Variants in CFAP92 observed in about 807,000 individuals in gnomAD.
CFAP92 encodes uncharacterized protein CFAP92.
In CFAP92, 86 loss-of-function variants were observed where a neutral mutation model predicts 106.3. The observed-to-expected ratio is 0.81, with a 90% confidence interval of 0.68 to 0.97. CFAP92 has a LOEUF of 0.97. CFAP92 is among the 50% of genes least tolerant of loss of function. The probability of loss-of-function intolerance (pLI) is 0.00; values close to 1 mark genes in which losing one functional copy is unlikely to be tolerated. For missense variants in CFAP92, 1,204 were observed against 1,283.8 expected (o/e 0.94, Z 0.95); for synonymous variants, 477 against 506.4 (o/e 0.94, Z 0.78).
In CFAP92 at chr3:128,993,164, G is replaced by A. The variant is rs1168729801; in HGVS notation, c.141C>T (p.Asp47=). 2 of 1,613,972 alleles carry A rather than the reference G, an allele frequency of 1.2e-6. No individual in the cohort carries two copies. The highest frequency in any genetic ancestry group is 2.7e-5 in the African/African-American group (2 of 74,954). ...CGATGCTGCTGCACGGGCGGTCAGA[G>A]TCAGACTCCTGGGCCCTGGCCTTGG... The part of the protein sequence containing the change: ...LKAKARAQES[D]SDRPCSSIES... Residue 47 remains aspartate (D), a synonymous_variant, in exon 2 of 16, where the codon GAC becomes GAT. Transcript: ENST00000645291.
At chr3:129,019,209 G>A in the CFAP92 span, among the ~76,000 whole-genome samples, 19 of 152,350 alleles carry the variant, frequency 1.2e-4, no homozygotes, top group South Asian at 1.4e-3. Flanking sequence ...GTGGTCCTCC[G>A]TTCCTAGGTC....
chr3:128,912,325 G>A (rs1216126331), intron 15 of CFAP92, among the ~76,000 whole-genome samples: 1 of 152,154 alleles, frequency 6.6e-6, no homozygotes, highest in East Asian at 1.9e-4. Context: ...TGAGAATGAA[G>A]CTGTACCCCT....
At chr3:129,022,016 G>A in the CFAP92 span, among the ~76,000 whole-genome samples, 2 of 152,212 alleles carry the variant, frequency 1.3e-5, no homozygotes, top group African/African-American at 4.8e-5. Context: ...GGGCAGAGGT[G>A]GCCGGGGCAG....
rs13059115 is a variant in CFAP92, at chr3:128,945,706, G to C, written c.1623C>G (p.Ala541=). ...TCTCTGTCTCTCTGGGAGAGATGAGGGCCTGGAAGTTGAGGTATGAATCCA... is the reference window on the plus strand; with the variant it reads ...TCTCTGTCTCTCTGGGAGAGATGAGCGCCTGGAAGTTGAGGTATGAATCCA... The part of the protein sequence containing the change: ...DPLDSYLNFQ[A]LISPRETENN... Residue 541 remains alanine (A), a synonymous_variant, in exon 10 of 16, where the codon GCC becomes GCG. Transcript: ENST00000645291. 2 of 1,535,942 alleles carry C rather than the reference G, an allele frequency of 1.3e-6. No individual in the cohort carries two copies. Among genetic ancestry groups the C allele is most frequent in the Non-Finnish European group, 1.7e-6 (2 of 1,146,890 alleles).
intron 9 of CFAP92, among the ~76,000 whole-genome samples, chr3:128,961,288 C>G (rs538525661): frequency 6.6e-6 from 1 of 152,198 alleles, no homozygotes; most frequent in Non-Finnish European, 1.5e-5. Context: ...CAGGGCAACT[C>G]CTCCCAAATC....
rs1482767257 is a variant in CFAP92, at chr3:128,916,206, T to C, written c.2817A>G (p.Lys939=). Residue 939 remains lysine, a synonymous_variant, in exon 13 of 16, where the codon AAA becomes AAG. Coordinates refer to ENST00000645291, the MANE Select transcript of CFAP92 (RefSeq NM_001394090.1). Reference sequence around the variant, plus strand: ...CGGCCTTGTTGGCAGGGGCTGAAATTTTAATCACCTTCGCCACGGACTTCG... The same window carrying C: ...CGGCCTTGTTGGCAGGGGCTGAAATCTTAATCACCTTCGCCACGGACTTCG... The part of the protein sequence containing the change: ...KPPKSVAKVI[K]ISAPANKAVY... The C allele has an allele frequency of 2.0e-5, 25 of 1,231,992 alleles. No individual in the cohort carries two copies. Among genetic ancestry groups the C allele is most frequent in the South Asian group, 8.2e-5 (2 of 24,320 alleles). The allele number at this position is 1,231,992 out of a possible 1,614,324, so 76.3% of individuals were successfully genotyped here.
chr3:128,974,484 G>A (rs915345226), intron 7 of CFAP92, among the ~76,000 whole-genome samples: 4 of 152,148 alleles, frequency 2.6e-5, no homozygotes, highest in African/African-American at 7.2e-5. Flanking sequence ...CTGCATGAAC[G>A]GATCCCATAA....
chr3:129,010,464 C>G, the CFAP92 span, among the ~76,000 whole-genome samples: 2 of 137,652 alleles, frequency 1.5e-5, no homozygotes, highest in African/African-American at 5.4e-5. This position sits in a 1 kb window ranked among gnomAD's most constrained non-coding sequence, Gnocchi z 4.3. Context: ...GGCCTGGCCT[C>G]TGGCTTTGTT....
chr3:129,021,342 A>G, the CFAP92 span, among the ~76,000 whole-genome samples: 2 of 152,200 alleles, frequency 1.3e-5, no homozygotes, highest in Non-Finnish European at 2.9e-5. Flanking sequence ...GGAAGGTCAC[A>G]CTTTGTTTTG....
the CFAP92 span, among the ~76,000 whole-genome samples, chr3:129,010,453 C>T: frequency 4.4e-5 from 6 of 136,848 alleles, no homozygotes; most frequent in Admixed American, 3.8e-4. The surrounding 1 kb of genome is among the most constrained non-coding windows in gnomAD (Gnocchi z 4.3). Context: ...AGAGGCCTGG[C>T]GGCCTGGCCT....
rs558703262 is a variant in CFAP92, at chr3:129,001,084, C to T, written n.117+1490G>A. Among the ~76,000 whole-genome samples the T allele has an allele frequency of 3.4e-4, 52 of 152,358 alleles. 1 individual carries two copies. The South Asian group carries it at 9.1e-3, about 27-fold the overall frequency. ...CGGCGAGAGCAGGCTTGCCAGGCAA[C>T]CCTCGAAAGGCCTTCCGGGAAGAGG... On this transcript the variant is annotated intron_variant and non_coding_transcript_variant, in intron 1 of 4. Coordinates refer to the CFAP92 transcript ENST00000510149.
At chr3:128,994,424 G>A (rs1944403195), upstream of CFAP92, among the ~76,000 whole-genome samples, 1 of 152,136 alleles carries the variant, frequency 6.6e-6, no homozygotes, top group South Asian at 2.1e-4. Flanking sequence ...AGCAAAGGAA[G>A]CTGTGGGCTC....
intron 4 of CFAP92, 95 bp downstream of exon 4, chr3:128,987,521 A>C: frequency 9.1e-7 from 1 of 1,101,232 alleles, no homozygotes. Flanking sequence ...GCACATGCCA[A>C]TTAGATGAAG....
At chr3:128,993,370 G>C (rs1034529765) in intron 1 of CFAP92, 34 bp from the exon 2 acceptor site, 34 of 1,544,352 alleles carry the variant, frequency 2.2e-5, no homozygotes, top group Non-Finnish European at 2.7e-5. Flanking sequence ...GTCCCCGCCT[G>C]TATTCCAGGG....
chr3:128,932,290 C>A (rs1459290870), intron 12 of CFAP92, among the ~76,000 whole-genome samples: 1 of 152,104 alleles, frequency 6.6e-6, no homozygotes, highest in African/African-American at 2.4e-5. Context: ...GTCTCCCATT[C>A]TCTCCCTCTG....
chr3:128,978,194 C>T lies in CFAP92; in HGVS notation c.668-9G>A. 6.2e-7 allele frequency: 1 copy of T among 1,610,296 alleles called. No individual in the cohort carries two copies. On this transcript the variant is annotated splice_polypyrimidine_tract_variant and intron_variant, in intron 4 of 15. Coordinates refer to ENST00000645291, the MANE Select transcript of CFAP92 (RefSeq NM_001394090.1). ...AACCAAATGTCTCACTTCTAGAATG[C>T]AGGAGAAGAAAGGATCATTGACTCA...
chr3:128,917,820 A>G (rs1337391695), intron 12 of CFAP92, among the ~76,000 whole-genome samples: 2 of 152,230 alleles, frequency 1.3e-5, no homozygotes, highest in Non-Finnish European at 2.9e-5. Flanking sequence ...TATAAAAAAG[A>G]TAAAATTAGA....
intron 10 of CFAP92, among the ~76,000 whole-genome samples, chr3:128,937,250 CT>C (rs200316163): frequency 0.028 from 4,209 of 147,936 alleles, 94 homozygotes; most frequent in South Asian, 0.11. Context: ...GCAGTGAGCC[CT>C]TGTACCGCTG....
At chr3:128,924,734 A>C (rs1198402251) in intron 12 of CFAP92, among the ~76,000 whole-genome samples, 2 of 152,186 alleles carry the variant, frequency 1.3e-5, no homozygotes, top group Non-Finnish European at 2.9e-5. Flanking sequence ...GGCGTGAGCC[A>C]CCACGCCCGA....
Sources: gnomAD v4.1 joint callset for allele counts (sites outside exome capture counted in the v4.1 genomes callset) on GRCh38, gnomAD v4.1.1 for gene constraint, Gnocchi (gnomAD v3.1) non-coding constraint, MANE v1.5 for transcripts, NCBI Gene and HGNC (gene_info 2026-07-23, HGNC 2026-07-21) for gene names.